Variants in YAF2 observed in about 807,000 individuals in gnomAD.
YAF2 encodes the protein YY1-associated factor 2.
In YAF2, 7 loss-of-function variants were observed where a neutral mutation model predicts 20.1. The observed-to-expected ratio is 0.35, with a 90% CI of 0.20 to 0.65. YAF2 has a LOEUF of 0.65. YAF2 is among the 30% of genes least tolerant of loss of function. YAF2 has a pLI of 0.69. For missense variants in YAF2, 151 were observed against 219.2 expected (o/e 0.69, Z 1.96); for synonymous variants, 74 against 76.0 (o/e 0.97, Z 0.14).
chr12:42,222,641 C>T (rs2067554203), intron 2 of YAF2, among the ~76,000 whole-genome samples: 1 of 152,142 alleles, frequency 6.6e-6, no homozygotes, highest in African/African-American at 2.4e-5. Context: ...CAGGAATCAT[C>T]TACTTTGTAA....
At chr12:42,177,460 C>T (rs1377784868) in intron 2 of YAF2, among the ~76,000 whole-genome samples, 1 of 152,160 alleles carries the variant, frequency 6.6e-6, no homozygotes, top group Non-Finnish European at 1.5e-5. Flanking sequence ...AAGGCCTTTC[C>T]TCAGTGCATG....
At chr12:42,231,130 G>A (rs979116848) in intron 2 of YAF2, 1 of 152,042 alleles carries the variant, frequency 6.6e-6, no homozygotes, top group African/African-American at 2.4e-5. Flanking sequence ...TTTTCTTAAT[G>A]TGGGTCATCT....
chr12:42,225,352 G>A (rs372196781), intron 2 of YAF2, among the ~76,000 whole-genome samples: 16 of 152,182 alleles, frequency 1.1e-4, no homozygotes, highest in Admixed American at 2.0e-4. Context: ...CTGTGCAGAA[G>A]CTCTTTAGTT....
intron 2 of YAF2, among the ~76,000 whole-genome samples, chr12:42,195,180 G>A (rs1233906224): frequency 2.0e-5 from 3 of 152,120 alleles, no homozygotes; most frequent in African/African-American, 4.8e-5. Flanking sequence ...AAAAACTCCT[G>A]GCTAGATGTC....
At chr12:42,228,755 TGCCCGGCCAGCCGCCCC>T in intron 2 of YAF2, among the ~76,000 whole-genome samples, 1 of 60,694 alleles carries the variant, frequency 1.6e-5, no homozygotes, top group African/African-American at 1.1e-4. Flanking sequence ...GGAGCCCCTC[TGCCCGGCCAGCCGCCCC>T]GTCCGGGAGG....
intron 2 of YAF2, among the ~76,000 whole-genome samples, chr12:42,171,799 CA>C (rs11352121): frequency 0.64 from 91,398 of 142,934 alleles, 28,804 homozygotes; most frequent in African/African-American, 0.75. Context: ...ACAGAAAATA[CA>C]AAAAAAAAAA....
intron 2 of YAF2, among the ~76,000 whole-genome samples, chr12:42,171,020 T>C (rs546312302): frequency 5.3e-4 from 80 of 152,020 alleles, no homozygotes; most frequent in African/African-American, 1.9e-3. Context: ...TTAGACAGAG[T>C]GAAACTCTGT....
chr12:42,210,891 A>C (rs1415391537), intron 2 of YAF2: 5 of 350,800 alleles, frequency 1.4e-5, no homozygotes, highest in Non-Finnish European at 2.6e-5. Flanking sequence ...AAAGTCTACT[A>C]TAATGGCTGC....
intron 2 of YAF2, among the ~76,000 whole-genome samples, chr12:42,182,941 T>C (rs2066381143): frequency 6.6e-6 from 1 of 152,206 alleles, no homozygotes; most frequent in Admixed American, 6.5e-5. Flanking sequence ...ATTGAAGGTT[T>C]GTGGCAATCC....
At chr12:42,232,778 C>A in intron 2 of YAF2, 1 of 985,420 alleles carries the variant, frequency 1.0e-6, no homozygotes, top group Non-Finnish European at 1.2e-6. Flanking sequence ...GTTTAAGCTT[C>A]TTTCAGAATG....
chr12:42,217,112 C>T (rs1421733516), intron 2 of YAF2, among the ~76,000 whole-genome samples: 1 of 152,160 alleles, frequency 6.6e-6, no homozygotes, highest in Non-Finnish European at 1.5e-5. Context: ...GTAAGCATGA[C>T]ACAAGAGAGA....
At chr12:42,183,327 A>G (rs1334004903) in intron 2 of YAF2, among the ~76,000 whole-genome samples, 1 of 152,200 alleles carries the variant, frequency 6.6e-6, no homozygotes, top group Non-Finnish European at 1.5e-5. Flanking sequence ...CTCACTTTAA[A>G]TCAAAAGCTA....
intron 2 of YAF2, among the ~76,000 whole-genome samples, chr12:42,198,527 A>G (rs938283556): frequency 6.6e-6 from 1 of 152,234 alleles, no homozygotes; most frequent in African/African-American, 2.4e-5. Flanking sequence ...CGCAGGTTGC[A>G]GTGAGCTGAG....
chr12:42,184,686 G>A (rs910453763), intron 2 of YAF2, among the ~76,000 whole-genome samples: 1 of 152,092 alleles, frequency 6.6e-6, no homozygotes, highest in Non-Finnish European at 1.5e-5. Flanking sequence ...GATGGATCTC[G>A]GCAAAGTAGA....
intron 2 of YAF2, among the ~76,000 whole-genome samples, chr12:42,203,324 G>A (rs529180992): frequency 9.2e-5 from 14 of 152,154 alleles, no homozygotes; most frequent in African/African-American, 3.4e-4. Flanking sequence ...ATCCAGCAAC[G>A]CTGAATTATT....
intron 2 of YAF2, among the ~76,000 whole-genome samples, chr12:42,189,159 CAAG>C (rs1033084037): frequency 1.3e-5 from 2 of 152,070 alleles, no homozygotes; most frequent in African/African-American, 2.4e-5. Context: ...GTCACCATCT[CAAG>C]AAGATGTATA....
intron 2 of YAF2, among the ~76,000 whole-genome samples, chr12:42,201,088 T>C (rs926437048): frequency 1.2e-4 from 19 of 152,336 alleles, no homozygotes; most frequent in Admixed American, 1.2e-3. Flanking sequence ...AGCCTAAATA[T>C]AGATGTAGGT....
intron 2 of YAF2, among the ~76,000 whole-genome samples, chr12:42,175,529 T>C (rs910601445): frequency 3.4e-4 from 2 of 5,892 alleles, no homozygotes; most frequent in African/African-American, 1.5e-3. Flanking sequence ...ATGTCAATTA[T>C]ACCTCAAAAA....
intron 2 of YAF2, among the ~76,000 whole-genome samples, chr12:42,225,910 G>A (rs765651878): frequency 6.6e-6 from 1 of 152,152 alleles, no homozygotes; most frequent in African/African-American, 2.4e-5. Flanking sequence ...CTAATTCTGT[G>A]AAGAAAGTCA....
Sources: allele counts gnomAD v4.1 joint callset (sites outside exome capture counted in the v4.1 genomes callset), GRCh38; gene constraint gnomAD v4.1.1; transcripts MANE v1.5; gene names NCBI Gene and HGNC (gene_info 2026-07-23, HGNC 2026-07-21).